Variants in GRIK2 observed in about 807,000 individuals in gnomAD.
The protein encoded by GRIK2 is glutamate ionotropic receptor kainate type subunit 2, also known as glutamate receptor ionotropic, kainate 2.
A neutral mutation model predicts 100.3 loss-of-function variants in GRIK2; 32 were observed. The observed-to-expected ratio is 0.32, with a 90% CI of 0.24 to 0.43. The LOEUF is 0.43. Ranked by LOEUF, GRIK2 falls within the 20% of genes least tolerant of loss-of-function variation. The probability of loss-of-function intolerance (pLI) is 1.00; values close to 1 mark genes in which losing one functional copy is unlikely to be tolerated. For synonymous variants in GRIK2, 417 were observed against 389.4 expected, an observed-to-expected ratio of 1.07 and a Z score of -0.83; for missense variants, 843 against 1,114.9, an observed-to-expected ratio of 0.76 and a Z score of 3.47.
chr6:102,014,943 A>G (rs549987657), intron 14 of GRIK2, among the ~76,000 whole-genome samples: 2 of 152,272 alleles, frequency 1.3e-5, no homozygotes, highest in East Asian at 1.9e-4. Context: ...TTAGATGTCT[A>G]TCAGATCCAT....
At chr6:101,618,332 T>C (rs1232526086) in intron 2 of GRIK2, among the ~76,000 whole-genome samples, 1 of 151,666 alleles carries the variant, frequency 6.6e-6, no homozygotes, top group Non-Finnish European at 1.5e-5. Flanking sequence ...TATTTTTCTC[T>C]ATTAATTTTT....
At chr6:101,905,177 T>C (rs1788138283) in intron 12 of GRIK2, among the ~76,000 whole-genome samples, 1 of 151,582 alleles carries the variant, frequency 6.6e-6, no homozygotes, top group Non-Finnish European at 1.5e-5. Context: ...TAGAGACAAC[T>C]AGCAATTTTT....
At chr6:101,547,623 T>C (rs908464404) in intron 2 of GRIK2, among the ~76,000 whole-genome samples, 1 of 152,230 alleles carries the variant, frequency 6.6e-6, no homozygotes, top group African/African-American at 2.4e-5. Flanking sequence ...TAAAGCTTCA[T>C]CTATGTCCCT....
chr6:101,890,328 A>G (rs1338486226), intron 12 of GRIK2: 1 of 152,802 alleles, frequency 6.5e-6, no homozygotes, highest in African/African-American at 2.4e-5. Context: ...TTAGTATTCT[A>G]CATAATATTT....
intron 7 of GRIK2, among the ~76,000 whole-genome samples, chr6:101,735,895 T>C (rs995092518): frequency 6.6e-6 from 1 of 152,216 alleles, no homozygotes; most frequent in African/African-American, 2.4e-5. Context: ...GCAAGTTCTT[T>C]AGGCCTATGA....
intron 14 of GRIK2, among the ~76,000 whole-genome samples, chr6:101,995,105 A>C (rs1794582334): frequency 6.6e-6 from 1 of 151,964 alleles, no homozygotes; most frequent in Admixed American, 6.6e-5. Context: ...AATTTAAGAC[A>C]CTACACTATG....
At chr6:101,823,862 GTT>G (rs11454516) in intron 10 of GRIK2, among the ~76,000 whole-genome samples, 7 of 130,400 alleles carry the variant, frequency 5.4e-5, no homozygotes, top group Admixed American at 1.6e-4. Context: ...AGTAAGTTCT[GTT>G]TTTTTTTTTT....
intron 4 of GRIK2, among the ~76,000 whole-genome samples, chr6:101,649,070 T>A (rs1781664047): frequency 1.3e-5 from 2 of 152,062 alleles, no homozygotes; most frequent in African/African-American, 4.8e-5. Context: ...TTATTACAAT[T>A]CAAGGTGAGA....
chr6:101,700,979 C>T (rs746428073), intron 7 of GRIK2, among the ~76,000 whole-genome samples: 7 of 152,048 alleles, frequency 4.6e-5, no homozygotes, highest in East Asian at 1.9e-4. Context: ...TGCTTTTCAC[C>T]GAAGTGGGGC....
At chr6:101,463,605 C>T (rs1438721210) in intron 2 of GRIK2, among the ~76,000 whole-genome samples, 1 of 152,118 alleles carries the variant, frequency 6.6e-6, no homozygotes, top group Middle Eastern at 3.4e-3. Context: ...TTTAATAAAA[C>T]GATTTAAAAT....
chr6:101,517,372 A>G (rs1774638401), intron 2 of GRIK2, among the ~76,000 whole-genome samples: 1 of 152,118 alleles, frequency 6.6e-6, no homozygotes, highest in South Asian at 2.1e-4. Context: ...TATTGTTTGA[A>G]ATGGGGTGCT....
At chr6:101,513,470 A>G (rs1277924367) in intron 2 of GRIK2, among the ~76,000 whole-genome samples, 2 of 152,164 alleles carry the variant, frequency 1.3e-5, no homozygotes, top group South Asian at 2.1e-4. Context: ...AGATCTAGCT[A>G]TGTTAATACA....
At chr6:101,912,238 A>T (rs1189486880) in intron 12 of GRIK2, among the ~76,000 whole-genome samples, 1 of 151,326 alleles carries the variant, frequency 6.6e-6, no homozygotes, top group Non-Finnish European at 1.5e-5. Context: ...AACATTATTT[A>T]AAAAAATGGT....
intron 2 of GRIK2, among the ~76,000 whole-genome samples, chr6:101,563,182 A>G (rs1478839443): frequency 6.6e-6 from 1 of 152,174 alleles, no homozygotes; most frequent in Non-Finnish European, 1.5e-5. Context: ...GACAAGTGAA[A>G]ACTGAGGCAT....
intron 2 of GRIK2, among the ~76,000 whole-genome samples, chr6:101,446,736 G>A (rs964783829): frequency 2.6e-5 from 4 of 151,250 alleles, no homozygotes; most frequent in South Asian, 2.1e-4. Flanking sequence ...TAAAAATCCT[G>A]TACTTTGAAG....
At chr6:101,532,259 A>G (rs1472299904) in intron 2 of GRIK2, among the ~76,000 whole-genome samples, 1 of 151,908 alleles carries the variant, frequency 6.6e-6, no homozygotes, top group African/African-American at 2.4e-5. Flanking sequence ...ATTCTGAAGA[A>G]TTCCCATTCA....
chr6:101,941,734 T>A (rs1478118936), intron 14 of GRIK2, among the ~76,000 whole-genome samples: 1 of 152,120 alleles, frequency 6.6e-6, no homozygotes, highest in Non-Finnish European at 1.5e-5. Context: ...AAAGAAATAT[T>A]GTAAATAAGC....
At chr6:101,482,547 G>T (rs1772588555) in intron 2 of GRIK2, among the ~76,000 whole-genome samples, 1 of 152,160 alleles carries the variant, frequency 6.6e-6, no homozygotes, top group Admixed American at 6.5e-5. Context: ...ATTGGAGATA[G>T]GATGCAGCCC....
At chr6:101,560,443 C>T (rs1044501640) in intron 2 of GRIK2, among the ~76,000 whole-genome samples, 1 of 151,906 alleles carries the variant, frequency 6.6e-6, no homozygotes, top group African/African-American at 2.4e-5. Flanking sequence ...AGTTAAAGAT[C>T]GTGTATTATT....
Sources: gnomAD v4.1 joint callset for allele counts (sites outside exome capture counted in the v4.1 genomes callset) on GRCh38, gnomAD v4.1.1 for gene constraint, MANE v1.5 for transcripts, NCBI Gene and HGNC (gene_info 2026-07-23, HGNC 2026-07-21) for gene names.